XKR4: variants seen among roughly 807,000 people sequenced by gnomAD.
XKR4 encodes the protein XK-related protein 4.
XKR4 carries 12 observed loss-of-function variants against 53.9 expected under a neutral mutation model. The observed-to-expected ratio is 0.22, with a 90% confidence interval of 0.14 to 0.36. The LOEUF (loss-of-function observed/expected upper bound fraction) is 0.36, where lower values mean the gene tolerates loss of function less well. Ranked by LOEUF, XKR4 falls within the 10% of genes least tolerant of loss-of-function variation. XKR4 has a pLI of 1.00. For missense variants in XKR4, 799 were observed against 859.5 expected (o/e 0.93, Z 0.88); for synonymous variants, 354 against 362.4 (o/e 0.98, Z 0.26).
chr8:55,465,439 A>C lies in XKR4; in HGVS notation c.1007-57842A>C, dbSNP rs565711770. 5.9e-5 allele frequency among the ~76,000 whole-genome samples: 9 copies of C among 152,192 alleles called. 1 individual carries two copies. The highest frequency in any genetic ancestry group is 1.9e-4 in the African/African-American group (8 of 41,488). On this transcript the variant is annotated intron_variant, in intron 2 of 2. Transcript: ENST00000327381. ...GGAAAAACTGGCTAGCCATATGTAG[A>C]AAGCTGAAACTGGATCCCTTCCTTA...
At chr8:55,442,100 G>C (rs1805277886) in intron 2 of XKR4, among the ~76,000 whole-genome samples, 1 of 151,938 alleles carries the variant, frequency 6.6e-6, no homozygotes, top group South Asian at 2.1e-4. Context: ...ACCTAACAAT[G>C]ATGATCAAAA....
intron 2 of XKR4, among the ~76,000 whole-genome samples, chr8:55,426,803 A>G (rs1337126488): frequency 1.3e-5 from 2 of 152,256 alleles, no homozygotes; most frequent in Non-Finnish European, 2.9e-5. Context: ...TATGCTAAGA[A>G]GTTAAGCAGT....
At chr8:55,316,254 A>C (rs748563073) in intron 1 of XKR4, among the ~76,000 whole-genome samples, 4 of 152,218 alleles carry the variant, frequency 2.6e-5, no homozygotes, top group Non-Finnish European at 4.4e-5. Context: ...CCAAAACACC[A>C]AATCTTCCAC....
chr8:55,527,690 A>T lies in XKR4; in HGVS notation c.*3463A>T, dbSNP rs547662100. ...GCACTGACTTTGCAGACACTTAGTT[A>T]CTACTCATTTGTGATAAACGCTGTT... On this transcript the variant is annotated 3_prime_UTR_variant, in exon 3 of 3. Coordinates refer to ENST00000327381, the MANE Select transcript of XKR4 (RefSeq NM_052898.2). 6.6e-6 allele frequency: 1 copy of T among 152,344 alleles called. No individual in the cohort carries two copies. The highest frequency in any genetic ancestry group is 2.1e-4 in the South Asian group (1 of 4,830). The allele number at this position is 152,344 out of a possible 1,614,324, so 9.4% of individuals were successfully genotyped here. A position where few individuals can be genotyped will look rare whatever the true frequency, so the allele number is the denominator to read the frequency against.
At chr8:55,358,331 G>A (rs1332684513) in intron 2 of XKR4, among the ~76,000 whole-genome samples, 1 of 151,560 alleles carries the variant, frequency 6.6e-6, no homozygotes, top group African/African-American at 2.4e-5. Context: ...GAGAGAGAGA[G>A]ACAATGAGAA....
intron 1 of XKR4, among the ~76,000 whole-genome samples, chr8:55,187,203 T>G (rs1246349486): frequency 6.6e-6 from 1 of 151,546 alleles, no homozygotes; most frequent in Non-Finnish European, 1.5e-5. Context: ...TGCTGTAGTG[T>G]TTCTGCGGGG....
At chr8:55,410,554 G>C (rs998192507) in intron 2 of XKR4, among the ~76,000 whole-genome samples, 16 of 152,068 alleles carry the variant, frequency 1.1e-4, no homozygotes, top group African/African-American at 3.9e-4. Flanking sequence ...TAGTAACCAG[G>C]GCCCTTTGTG....
chr8:55,148,869 C>T (rs543811764), intron 1 of XKR4, among the ~76,000 whole-genome samples: 57 of 152,266 alleles, frequency 3.7e-4, no homozygotes, highest in South Asian at 1.0e-3. Context: ...TCACAGAAAG[C>T]GTCCTTAGCA....
At chr8:55,507,330 C>CT (rs989606618) in intron 2 of XKR4, among the ~76,000 whole-genome samples, 12 of 150,922 alleles carry the variant, frequency 8.0e-5, no homozygotes, top group Middle Eastern at 3.4e-3. Context: ...CATCCATTTT[C>CT]TTTTTTTTTA....
At chr8:55,457,289 CCCA>C (rs1165267964) in intron 2 of XKR4, among the ~76,000 whole-genome samples, 2 of 151,832 alleles carry the variant, frequency 1.3e-5, no homozygotes, top group African/African-American at 4.8e-5. Flanking sequence ...ACTACAGGCG[CCCA>C]CCACCACGCC....
intron 2 of XKR4, chr8:55,450,289 T>C (rs913439521): frequency 7.1e-6 from 5 of 700,650 alleles, no homozygotes; most frequent in Non-Finnish European, 1.2e-5. Flanking sequence ...TTCCCAGTCA[T>C]AGGGAGGGCC....
chr8:55,246,016 C>T (rs918454794), intron 1 of XKR4, among the ~76,000 whole-genome samples: 1 of 152,142 alleles, frequency 6.6e-6, no homozygotes, highest in African/African-American at 2.4e-5. Context: ...GCACAAGAAC[C>T]GCTTGAACCC....
intron 2 of XKR4, among the ~76,000 whole-genome samples, chr8:55,413,857 G>A (rs1429662056): frequency 2.0e-5 from 3 of 152,158 alleles, no homozygotes; most frequent in Non-Finnish European, 4.4e-5. Context: ...AGGAACAAGA[G>A]TATAAAAGTA....
intron 1 of XKR4, among the ~76,000 whole-genome samples, chr8:55,267,655 G>A (rs1818628945): frequency 7.2e-6 from 1 of 139,482 alleles, no homozygotes; most frequent in Admixed American, 7.4e-5. Context: ...TGGGTTTAGG[G>A]TTTTATTCCT....
intron 2 of XKR4, among the ~76,000 whole-genome samples, chr8:55,447,679 A>G (rs1036039651): frequency 1.3e-5 from 2 of 152,208 alleles, no homozygotes; most frequent in African/African-American, 2.4e-5. Context: ...AGAAACCGCT[A>G]ATCACCAGCA....
chr8:55,361,468 T>C (rs1364340168), intron 2 of XKR4, among the ~76,000 whole-genome samples: 2 of 152,090 alleles, frequency 1.3e-5, no homozygotes, highest in Non-Finnish European at 2.9e-5. Context: ...GGCCTGTCAG[T>C]TGTATCTTCC....
chr8:55,161,733 C>A, intron 1 of XKR4: 1 of 418,974 alleles, frequency 2.4e-6, no homozygotes. Flanking sequence ...CCACCCATGG[C>A]CACTTACTGC....
chr8:55,276,873 C>A (rs1016013198), intron 1 of XKR4, among the ~76,000 whole-genome samples: 5 of 152,018 alleles, frequency 3.3e-5, no homozygotes, highest in African/African-American at 1.2e-4. Flanking sequence ...AGAGAAAGAA[C>A]AAAATAAATC....
chr8:55,176,677 CAT>C (rs775258189), intron 1 of XKR4, among the ~76,000 whole-genome samples: 4 of 152,124 alleles, frequency 2.6e-5, no homozygotes, highest in African/African-American at 9.7e-5. Context: ...TGTTGAGAAT[CAT>C]GTGTTTCTTG....
Sources: gnomAD v4.1 joint callset for allele counts (sites outside exome capture counted in the v4.1 genomes callset) on GRCh38, gnomAD v4.1.1 for gene constraint, MANE v1.5 for transcripts, NCBI Gene and HGNC (gene_info 2026-07-23, HGNC 2026-07-21) for gene names.